The following FRMD3 variants were observed in gnomAD, a reference collection of about 807,000 sequenced individuals.
FRMD3 encodes FERM domain containing 3.
In FRMD3, 33 loss-of-function variants were observed where a neutral mutation model predicts 70.2. That is an observed-to-expected ratio of 0.47 (90% confidence interval 0.36 to 0.63). The LOEUF is 0.63. Among genes scored for constraint, FRMD3 ranks in the 20% least tolerant of loss-of-function variants. The pLI is 0.00. For missense variants in FRMD3, 632 were observed against 711.4 expected (o/e 0.89, Z 1.27); for synonymous variants, 279 against 255.9 (o/e 1.09, Z -0.86).
intron 10 of FRMD3, among the ~76,000 whole-genome samples, chr9:83,303,025 A>G (rs73481838): frequency 0.043 from 6,467 of 152,134 alleles, 360 homozygotes; most frequent in African/African-American, 0.13. Context: ...CCTCTCCCCA[A>G]CCTGCAATTT....
intron 1 of FRMD3, among the ~76,000 whole-genome samples, chr9:83,390,575 G>C (rs910588370): frequency 2.0e-5 from 3 of 152,184 alleles, no homozygotes; most frequent in African/African-American, 7.2e-5. Flanking sequence ...GGTTGGACTA[G>C]ATTATTTCTA....
At chr9:83,403,599 A>G (rs1826016108) in intron 1 of FRMD3, among the ~76,000 whole-genome samples, 1 of 152,158 alleles carries the variant, frequency 6.6e-6, no homozygotes, top group South Asian at 2.1e-4. Flanking sequence ...TCATTGGTAT[A>G]CATGTGGCTC....
At chr9:83,497,626 G>A (rs971736307) in intron 1 of FRMD3, among the ~76,000 whole-genome samples, 1 of 152,182 alleles carries the variant, frequency 6.6e-6, no homozygotes, top group Non-Finnish European at 1.5e-5. Flanking sequence ...TACAACCAAT[G>A]GGGTGTGAGC....
chr9:83,378,554 TTA>T (rs1408232398), intron 2 of FRMD3, among the ~76,000 whole-genome samples: 2 of 120,462 alleles, frequency 1.7e-5, no homozygotes, highest in Non-Finnish European at 3.3e-5. Flanking sequence ...CATATAAAAT[TTA>T]TATATATAAA....
In FRMD3 at chr9:83,323,918, C is replaced by G. The variant is rs528669612; in HGVS notation, c.597-10171G>C. Among the ~76,000 whole-genome samples, 9 of 152,324 alleles carry G rather than the reference C, an allele frequency of 5.9e-5. No individual in the cohort carries two copies. The South Asian group carries it at 1.9e-3, about 32-fold the overall frequency. On this transcript the variant is annotated intron_variant, in intron 6 of 13. Coordinates refer to ENST00000304195, the MANE Select transcript of FRMD3 (RefSeq NM_174938.6). ...TCCTAGAAAAGTTAAAGTACAAACTCTGGCAAGTTCCACACTTAGGCTTGT... is the reference window on the plus strand; with the variant it reads ...TCCTAGAAAAGTTAAAGTACAAACTGTGGCAAGTTCCACACTTAGGCTTGT...
intron 13 of FRMD3, among the ~76,000 whole-genome samples, chr9:83,261,260 C>G (rs1832979070): frequency 6.6e-6 from 1 of 152,266 alleles, no homozygotes. Context: ...TCTTCTTGTT[C>G]TTCTTTCCCC....
chr9:83,582,563 C>A, the FRMD3 span, among the ~76,000 whole-genome samples: 1 of 152,162 alleles, frequency 6.6e-6, no homozygotes, highest in East Asian at 1.9e-4. Context: ...CTTGCACATA[C>A]AACAGTGTGC....
chr9:83,320,859 CT>C (rs1199087218), intron 6 of FRMD3, among the ~76,000 whole-genome samples: 2 of 152,072 alleles, frequency 1.3e-5, no homozygotes, highest in African/African-American at 4.8e-5. Flanking sequence ...TTTTTTATTA[CT>C]GACTCAGTCT....
chr9:83,556,463 T>TAAAA, the FRMD3 span, among the ~76,000 whole-genome samples: 1 of 152,364 alleles, frequency 6.6e-6, no homozygotes, highest in South Asian at 2.1e-4. Flanking sequence ...GTCAGAGAAA[T>TAAAA]TATATTTGTC....
chr9:83,313,535 C>A, intron 7 of FRMD3, 125 bp downstream of exon 7: 1 of 732,154 alleles, frequency 1.4e-6, no homozygotes, highest in South Asian at 1.7e-5. Flanking sequence ...TTGTCCCTTC[C>A]AATGAGGGAC....
chr9:83,580,910 AT>A, the FRMD3 span, among the ~76,000 whole-genome samples: 10 of 152,204 alleles, frequency 6.6e-5, no homozygotes, highest in Admixed American at 5.9e-4. Flanking sequence ...AATAATACTA[AT>A]TTTTTTAAAT....
chr9:83,539,366 G>A (rs955520670), upstream of FRMD3, among the ~76,000 whole-genome samples: 1 of 152,234 alleles, frequency 6.6e-6, no homozygotes, highest in African/African-American at 2.4e-5. Flanking sequence ...AGGAGCAGCT[G>A]TTGAGTCAGG....
chr9:83,336,061 T>C (rs1419452898), intron 5 of FRMD3, among the ~76,000 whole-genome samples: 1 of 152,130 alleles, frequency 6.6e-6, no homozygotes, highest in East Asian at 1.9e-4. Context: ...TCCCAGAAGT[T>C]AGTCAAAGAA....
At chr9:83,477,359 ACTGT>A (rs1828425590) in intron 1 of FRMD3, among the ~76,000 whole-genome samples, 1 of 152,112 alleles carries the variant, frequency 6.6e-6, no homozygotes, top group South Asian at 2.1e-4. Flanking sequence ...TGGCATAATG[ACTGT>A]CTGACTGTCT....
chr9:83,355,464 A>G (rs1207821001), intron 3 of FRMD3, among the ~76,000 whole-genome samples: 1 of 152,198 alleles, frequency 6.6e-6, no homozygotes, highest in African/African-American at 2.4e-5. Flanking sequence ...AGGGGTACAC[A>G]GGGTGGTGAA....
At chr9:83,325,571 C>T (rs570861155) in intron 6 of FRMD3, among the ~76,000 whole-genome samples, 1 of 152,146 alleles carries the variant, frequency 6.6e-6, no homozygotes, top group African/African-American at 2.4e-5. Flanking sequence ...GTGATCCTCC[C>T]ACCTCAGCCT....
chr9:83,421,662 C>T (rs1260991497), intron 1 of FRMD3, among the ~76,000 whole-genome samples: 1 of 152,156 alleles, frequency 6.6e-6, no homozygotes, highest in African/African-American at 2.4e-5. Context: ...TAACTGATGG[C>T]AGTCAGGTAA....
At chr9:83,548,789 G>T in the FRMD3 span, among the ~76,000 whole-genome samples, 3 of 152,034 alleles carry the variant, frequency 2.0e-5, no homozygotes, top group Admixed American at 6.6e-5. Context: ...CCACACTAAT[G>T]CAAGGTGTTA....
chr9:83,546,631 A>G, the FRMD3 span, among the ~76,000 whole-genome samples: 1 of 152,208 alleles, frequency 6.6e-6, no homozygotes, highest in Admixed American at 6.5e-5. Flanking sequence ...AACAATTAAC[A>G]TTATGACAGG....
Sources: gnomAD v4.1 joint callset for allele counts (sites outside exome capture counted in the v4.1 genomes callset) on GRCh38, gnomAD v4.1.1 for gene constraint, MANE v1.5 for transcripts, NCBI Gene and HGNC (gene_info 2026-07-23, HGNC 2026-07-21) for gene names.